Variants in ATP8A2 observed in about 807,000 individuals in gnomAD.
The protein encoded by ATP8A2 is phospholipid-transporting ATPase IB.
In ATP8A2, 100 loss-of-function variants were observed where a neutral mutation model predicts 165.6. That is an observed-to-expected ratio of 0.60 (90% CI 0.51 to 0.71). The LOEUF (loss-of-function observed/expected upper bound fraction) is 0.71. Among genes scored for constraint, ATP8A2 ranks in the 30% least tolerant of loss-of-function variants. ATP8A2 has a pLI of 0.00. For missense variants in ATP8A2, 1,227 were observed against 1,479.5 expected, an observed-to-expected ratio of 0.83 and a Z score of 2.80; for synonymous variants, 543 against 548.8, an observed-to-expected ratio of 0.99 and a Z score of 0.15.
chr13:25,557,966 C>T (rs750675503), intron 13 of ATP8A2, among the ~76,000 whole-genome samples: 11 of 151,808 alleles, frequency 7.2e-5, no homozygotes, highest in Non-Finnish European at 1.3e-4. Context: ...TGCAATGGTG[C>T]GATCTCGGCT....
intron 1 of ATP8A2, among the ~76,000 whole-genome samples, chr13:25,412,069 T>C (rs2033982965): frequency 6.6e-6 from 1 of 152,160 alleles, no homozygotes; most frequent in Admixed American, 6.5e-5. Flanking sequence ...TGGATGAAAA[T>C]ACAGACTACT....
At chr13:25,520,994 G>A (rs1271056731) in intron 2 of ATP8A2, among the ~76,000 whole-genome samples, 1 of 152,138 alleles carries the variant, frequency 6.6e-6, no homozygotes, top group African/African-American at 2.4e-5. Context: ...CAGTGTACAA[G>A]GGTTCTGCTT....
rs1064795308 is a variant in ATP8A2, at chr13:25,578,817, TA to T, written c.1787del (p.Asn596MetfsTer2). The T allele has an allele frequency of 6.4e-7, 1 of 1,553,944 alleles. No individual in the cohort carries two copies. The highest frequency in any genetic ancestry group is 8.9e-7 in the Non-Finnish European group (1 of 1,125,182). ...RLRLYCKGAD[N>X]VIFERLSKDS... Reference sequence around the variant, plus strand: ...CACAATGTTTCCCTATTTTATAGGATAATGTGATTTTTGAGAGACTTTCAAA... The same window carrying T: ...CACAATGTTTCCCTATTTTATAGGATATGTGATTTTTGAGAGACTTTCAAA... On this transcript the variant is annotated frameshift_variant, in exon 21 of 37. Coordinates refer to ENST00000381655, the MANE Select transcript of ATP8A2 (RefSeq NM_016529.6). LOFTEE classifies it high-confidence loss of function.
rs563318794 is a variant in ATP8A2 at position 25,592,289 on chromosome 13, C to T, written c.2211+2590C>T. Among the ~76,000 whole-genome samples, 3 of 150,516 alleles carry T rather than the reference C, an allele frequency of 2.0e-5. No homozygotes were observed. The East Asian group carries it at 5.8e-4, about 29-fold the overall frequency. On this transcript the variant is annotated intron_variant, in intron 24 of 36. Coordinates refer to ENST00000381655, the MANE Select transcript of ATP8A2 (RefSeq NM_016529.6). The stretch of plus-strand genomic sequence containing the variant: ...AGACTGTAAGGTCCATGGTTAAAAA[C>T]CTGTTTAAAAAAACTGGGCATCTCC...
At chr13:25,776,648 G>A (rs185973121) in intron 27 of ATP8A2, among the ~76,000 whole-genome samples, 8 of 152,112 alleles carry the variant, frequency 5.3e-5, no homozygotes, top group Middle Eastern at 3.4e-3. Context: ...ACATTTTTCT[G>A]TGTCTGTGGT....
chr13:25,883,512 A>C (rs1414194298), intron 33 of ATP8A2, among the ~76,000 whole-genome samples: 2 of 152,164 alleles, frequency 1.3e-5, no homozygotes, highest in Non-Finnish European at 2.9e-5. Flanking sequence ...GGAGTTTTAG[A>C]GACGGGACTG....
At chr13:25,599,784 G>A (rs984212714) in intron 24 of ATP8A2, among the ~76,000 whole-genome samples, 1 of 152,160 alleles carries the variant, frequency 6.6e-6, no homozygotes, top group Non-Finnish European at 1.5e-5. Context: ...GCCATTGAAT[G>A]ATCACTTCAG....
rs1340715993 is a variant in ATP8A2 at position 25,490,521 on chromosome 13, G to A, written c.221+21400G>A. On this transcript the variant is annotated intron_variant, in intron 2 of 36. Transcript: ENST00000381655. ...ATAACTTGCCTGAGTTCCTACAGTC[G>A]GTGAGCATCACAGGCTGTGTGGGAT... Among the ~76,000 whole-genome samples, 5 of 152,144 alleles carry A rather than the reference G, an allele frequency of 3.3e-5. No individual in the cohort carries two copies. The East Asian group carries it at 5.8e-4, about 18-fold the overall frequency.
intron 13 of ATP8A2, 85 bp from the exon 14 acceptor site, chr13:25,558,888 G>A: frequency 1.0e-6 from 1 of 955,636 alleles, no homozygotes; most frequent in Admixed American, 2.6e-5. Flanking sequence ...TACAGGTTTT[G>A]AAAAATATAG....
intron 25 of ATP8A2, among the ~76,000 whole-genome samples, chr13:25,742,145 A>G (rs1049806499): frequency 2.6e-5 from 4 of 152,214 alleles, no homozygotes; most frequent in East Asian, 1.9e-4. Flanking sequence ...CTCCTAGGCT[A>G]CAAACCTATA....
At position 25,894,959 on chromosome 13, in the gene ATP8A2, A is replaced by G. The variant is rs551682347; in HGVS notation, c.3183+32551A>G. 1.5e-3 allele frequency among the ~76,000 whole-genome samples: 233 copies of G among 152,298 alleles called. 1 individual carries two copies. The highest frequency in any genetic ancestry group is 1.3e-4 in the Non-Finnish European group (9 of 68,038). On this transcript the variant is annotated intron_variant, in intron 33 of 36. Coordinates refer to ENST00000381655, the MANE Select transcript of ATP8A2 (RefSeq NM_016529.6). ...GCTGAGACAATGGGGTTTTCTAGATATACAATCATGTCATCTGCAAACAGG... is the reference window on the plus strand; with the variant it reads ...GCTGAGACAATGGGGTTTTCTAGATGTACAATCATGTCATCTGCAAACAGG...
chr13:25,466,784 C>T (rs764092528), intron 1 of ATP8A2, among the ~76,000 whole-genome samples: 6 of 152,318 alleles, frequency 3.9e-5, no homozygotes, highest in East Asian at 1.9e-4. Flanking sequence ...ACTTTGACCA[C>T]GCACTGTTCA....
At chr13:25,742,153 A>G (rs889902164) in intron 25 of ATP8A2, among the ~76,000 whole-genome samples, 5 of 152,160 alleles carry the variant, frequency 3.3e-5, no homozygotes, top group African/African-American at 9.7e-5. Flanking sequence ...CTACAAACCT[A>G]TACGACGTTA....
chr13:25,886,887 T>C (rs1213699670), intron 33 of ATP8A2, among the ~76,000 whole-genome samples: 1 of 152,190 alleles, frequency 6.6e-6, no homozygotes, highest in Non-Finnish European at 1.5e-5. Context: ...TTGCTCATTG[T>C]AGGGTCAAAT....
At chr13:25,639,627 G>A (rs2041462058) in intron 24 of ATP8A2, among the ~76,000 whole-genome samples, 1 of 152,140 alleles carries the variant, frequency 6.6e-6, no homozygotes, top group African/African-American at 2.4e-5. Context: ...ACTACAAAGA[G>A]ACTCAGACTC....
chr13:25,841,532 C>T (rs917412916), intron 30 of ATP8A2, among the ~76,000 whole-genome samples: 13 of 152,186 alleles, frequency 8.5e-5, no homozygotes, highest in African/African-American at 3.1e-4. Context: ...TGTTCTTGGT[C>T]ATTAGTTGAC....
chr13:25,628,864 GT>G (rs2041168204), intron 24 of ATP8A2, among the ~76,000 whole-genome samples: 1 of 152,152 alleles, frequency 6.6e-6, no homozygotes, highest in Non-Finnish European at 1.5e-5. Context: ...AGTACTGGGG[GT>G]TAGGACTCCA....
chr13:25,531,609 C>T (rs1348003244), intron 4 of ATP8A2, among the ~76,000 whole-genome samples: 11 of 151,812 alleles, frequency 7.2e-5, no homozygotes, highest in Admixed American at 5.9e-4. Context: ...ACAGGTTAAG[C>T]ATCCCTAAAT....
intron 24 of ATP8A2, among the ~76,000 whole-genome samples, chr13:25,674,548 G>A (rs1259051187): frequency 6.6e-6 from 1 of 152,160 alleles, no homozygotes; most frequent in Non-Finnish European, 1.5e-5. Context: ...AGGGCTGCAG[G>A]GAAGTGGTGT....
Sources: allele counts gnomAD v4.1 joint callset (sites outside exome capture counted in the v4.1 genomes callset), GRCh38; gene constraint gnomAD v4.1.1; transcripts MANE v1.5; gene names NCBI Gene and HGNC (gene_info 2026-07-23, HGNC 2026-07-21).